The following USP12 variants were observed in gnomAD, a reference collection of about 807,000 sequenced individuals.
The protein encoded by USP12 is ubiquitin carboxyl-terminal hydrolase 12.
Under a neutral mutation model 45.5 loss-of-function variants are expected in USP12, and 19 were observed. That is an observed-to-expected ratio of 0.42 (90% CI 0.29 to 0.61). The LOEUF is 0.61. Among genes scored for constraint, USP12 ranks in the 20% least tolerant of loss-of-function variants. The probability of loss-of-function intolerance (pLI) is 0.22; values close to 1 mark genes in which losing one functional copy is unlikely to be tolerated. For missense variants in USP12, 242 were observed against 447.7 expected, an observed-to-expected ratio of 0.54 and a Z score of 4.15; for synonymous variants, 149 against 148.8, an observed-to-expected ratio of 1.00 and a Z score of -0.01.
chr13:27,077,162 T>C (rs768811329), intron 6 of USP12: 4 of 152,178 alleles, frequency 2.6e-5, no homozygotes, highest in East Asian at 1.9e-4. Flanking sequence ...CATAAGAAAA[T>C]ACTTAAGAAG....
chr13:27,086,719 T>A (rs1874063130), intron 6 of USP12, among the ~76,000 whole-genome samples: 1 of 152,082 alleles, frequency 6.6e-6, no homozygotes, highest in South Asian at 2.1e-4. Context: ...GTCAGTAAAG[T>A]CTGAAAGTTG....
At chr13:27,122,061 G>A (rs1323328627) in intron 1 of USP12, among the ~76,000 whole-genome samples, 1 of 152,146 alleles carries the variant, frequency 6.6e-6, no homozygotes, top group Non-Finnish European at 1.5e-5. Flanking sequence ...CAGGCATGGT[G>A]GCTCGTGCCT....
chr13:27,104,203 A>T (rs899857706), intron 3 of USP12, among the ~76,000 whole-genome samples: 1 of 152,072 alleles, frequency 6.6e-6, no homozygotes, highest in African/African-American at 2.4e-5. Context: ...ATTAATTTTT[A>T]AAATTTTTTG....
At chr13:27,155,984 T>C (rs1354456286) in intron 1 of USP12, among the ~76,000 whole-genome samples, 3 of 152,158 alleles carry the variant, frequency 2.0e-5, no homozygotes, top group African/African-American at 7.2e-5. Flanking sequence ...AAAAAAAACC[T>C]ATAGAAGCAG....
chr13:27,130,744 CGTG>C (rs1222404379), intron 1 of USP12, among the ~76,000 whole-genome samples: 12 of 152,144 alleles, frequency 7.9e-5, no homozygotes, highest in African/African-American at 2.4e-4. Flanking sequence ...CCACGACTAA[CGTG>C]GTTTTTTCAG....
In USP12 at chr13:27,150,200, A is replaced by AC. The variant is rs542608276; in HGVS notation, c.48+21391dup. Among the ~76,000 whole-genome samples the AC allele has an allele frequency of 2.6e-5, 4 of 152,330 alleles. No individual in the cohort carries two copies. In the South Asian group the frequency reaches 8.3e-4, roughly 32 times the overall value. On this transcript the variant is annotated intron_variant, in intron 1 of 8. Coordinates refer to ENST00000282344, the MANE Select transcript of USP12 (RefSeq NM_182488.4). ...TACCTGTATCAAAATATCACACTGT[A>AC]CCCCACAAATACATACAATTATGTC...
chr13:27,147,997 G>A (rs371487632), intron 1 of USP12, among the ~76,000 whole-genome samples: 1 of 151,974 alleles, frequency 6.6e-6, no homozygotes, highest in African/African-American at 2.4e-5. Flanking sequence ...GCGTGGTGGT[G>A]TGCACCTGTA....
intron 1 of USP12, among the ~76,000 whole-genome samples, chr13:27,152,837 G>A (rs1463391004): frequency 6.6e-6 from 1 of 151,786 alleles, no homozygotes; most frequent in Non-Finnish European, 1.5e-5. Context: ...AGCTACTCAG[G>A]AGGCTGAGGC....
chr13:27,110,792 A>C (rs7320806), intron 2 of USP12, among the ~76,000 whole-genome samples: 13,786 of 152,210 alleles, frequency 0.091, 699 homozygotes, highest in Admixed American at 0.12. Context: ...ACTACAATCT[A>C]ATCAAGCTAA....
chr13:27,070,781 G>A (rs962577885), intron 8 of USP12, among the ~76,000 whole-genome samples: 4 of 152,090 alleles, frequency 2.6e-5, no homozygotes, highest in Admixed American at 6.5e-5. Flanking sequence ...TCAAACTCCC[G>A]ACCTCAGGTG....
chr13:27,092,928 G>A (rs939976491), intron 4 of USP12, among the ~76,000 whole-genome samples: 1 of 152,162 alleles, frequency 6.6e-6, no homozygotes, highest in Non-Finnish European at 1.5e-5. Context: ...CAGGCCCGGT[G>A]GCTCACGCCT....
chr13:27,074,694 T>C (rs1873396995), intron 7 of USP12, among the ~76,000 whole-genome samples: 1 of 152,190 alleles, frequency 6.6e-6, no homozygotes, highest in African/African-American at 2.4e-5. Flanking sequence ...AAGATGTGTA[T>C]ACCATGTTGG....
intron 1 of USP12, among the ~76,000 whole-genome samples, chr13:27,164,550 T>A (rs1878267024): frequency 6.6e-6 from 1 of 152,186 alleles, no homozygotes; most frequent in African/African-American, 2.4e-5. Flanking sequence ...ATCACAAAAG[T>A]CTTCGAGTTT....
At chr13:27,096,305 C>T (rs1874579983) in intron 3 of USP12, among the ~76,000 whole-genome samples, 2 of 152,168 alleles carry the variant, frequency 1.3e-5, no homozygotes, top group African/African-American at 2.4e-5. Context: ...AAGCCCAGAA[C>T]GTGGGGCTTT....
intron 1 of USP12, among the ~76,000 whole-genome samples, chr13:27,123,339 T>C (rs1241255696): frequency 6.6e-6 from 1 of 152,198 alleles, no homozygotes; most frequent in African/African-American, 2.4e-5. Flanking sequence ...TTTAGCAACA[T>C]ATGAATTTAT....
chr13:27,071,567 G>T (rs1458964909), intron 7 of USP12, among the ~76,000 whole-genome samples: 1 of 152,100 alleles, frequency 6.6e-6, no homozygotes, highest in Non-Finnish European at 1.5e-5. Context: ...CTTGGTAATG[G>T]TTTTTTTCTT....
At position 27,067,604 on chromosome 13, in the gene USP12, A is replaced by G. The variant is rs559223244; in HGVS notation, c.*1679T>C. 2.6e-5 allele frequency: 4 copies of G among 152,340 alleles called. No homozygotes were observed. The South Asian group carries it at 8.3e-4, about 32-fold the overall frequency. 9.4% of individuals were successfully genotyped at this position (152,340 alleles called of 1,614,324 possible). On this transcript the variant is annotated 3_prime_UTR_variant, in exon 9 of 9. Transcript: ENST00000282344. ...ACTCTGTTAAAGGTCTGCTTATGGA[A>G]AAAATAGGTGAAGTCATTTCCTGAG...
chr13:27,086,821 T>C (rs1349698137), intron 6 of USP12, among the ~76,000 whole-genome samples: 1 of 152,228 alleles, frequency 6.6e-6, no homozygotes, highest in Non-Finnish European at 1.5e-5. Context: ...TGTAATGCTT[T>C]AGCCCCTATC....
chr13:27,154,073 T>G (rs200791954), intron 1 of USP12, among the ~76,000 whole-genome samples: 1,066 of 81,022 alleles, frequency 0.013, 8 homozygotes, highest in Non-Finnish European at 0.022. Context: ...AATATCCACA[T>G]CTTTCCACTT....
Sources: allele counts gnomAD v4.1 joint callset (sites outside exome capture counted in the v4.1 genomes callset), GRCh38; gene constraint gnomAD v4.1.1; transcripts MANE v1.5; gene names NCBI Gene and HGNC (gene_info 2026-07-23, HGNC 2026-07-21).